ERI1: variants seen among roughly 807,000 people sequenced by gnomAD.
ERI1 encodes exoribonuclease 1.
In ERI1, 39 loss-of-function variants were observed where a neutral mutation model predicts 39.7. The ratio of observed to expected loss-of-function variants is 0.98; its 90% CI spans 0.76 to 1.28. The LOEUF is 1.28. ERI1 is among the 50% of genes most tolerant of loss of function. The probability of loss-of-function intolerance (pLI) is 0.00; values close to 1 mark genes in which losing one functional copy is unlikely to be tolerated. For synonymous variants in ERI1, 204 were observed against 149.6 expected, an observed-to-expected ratio of 1.36 and a Z score of -2.65; for missense variants, 581 against 416.9, an observed-to-expected ratio of 1.39 and a Z score of -3.43.
chr8:9,084,832 C>T (rs1799476327), intron 3 of ERI1, among the ~76,000 whole-genome samples: 1 of 140,770 alleles, frequency 7.1e-6, no homozygotes, highest in Non-Finnish European at 1.5e-5. Flanking sequence ...TTCTAACCTT[C>T]TGAAGAAGCT....
chr8:9,061,798 C>A (rs1798705965), intron 3 of ERI1, among the ~76,000 whole-genome samples: 4 of 149,582 alleles, frequency 2.7e-5, no homozygotes, highest in Admixed American at 2.7e-4. Flanking sequence ...TGGGTGCTGT[C>A]CGTGAAGTTT....
chr8:9,005,234 C>G (rs1025057908), intron 1 of ERI1, among the ~76,000 whole-genome samples: 15 of 151,856 alleles, frequency 9.9e-5, no homozygotes, highest in African/African-American at 3.6e-4. Context: ...AAAGGTAGTA[C>G]CTAGATTTTT....
chr8:9,053,458 C>G (rs571225901), intron 3 of ERI1, among the ~76,000 whole-genome samples: 1 of 152,318 alleles, frequency 6.6e-6, no homozygotes, highest in African/African-American at 2.4e-5. Flanking sequence ...AATGGAAGCT[C>G]CACAGCCCAG....
chr8:9,080,742 CT>C (rs1299238505), intron 3 of ERI1, among the ~76,000 whole-genome samples: 1 of 152,142 alleles, frequency 6.6e-6, no homozygotes, highest in Non-Finnish European at 1.5e-5. Context: ...TCATTTGCCC[CT>C]CCCCCAAGGC....
intron 3 of ERI1, among the ~76,000 whole-genome samples, chr8:9,092,816 C>T (rs2117482326): frequency 6.6e-6 from 1 of 152,292 alleles, no homozygotes; most frequent in African/African-American, 2.4e-5. Flanking sequence ...CTTCTTAGGT[C>T]CCAGAATTGT....
intron 2 of ERI1, 34 bp from the exon 3 acceptor site, chr8:9,011,508 A>G (rs370846329): frequency 6.9e-7 from 1 of 1,441,234 alleles, no homozygotes; most frequent in Non-Finnish European, 9.5e-7. Flanking sequence ...TGTAGAATTT[A>G]CCTAAGTGTA....
intron 1 of ERI1, among the ~76,000 whole-genome samples, chr8:9,006,355 G>C (rs879771453): frequency 1.3e-5 from 2 of 152,178 alleles, no homozygotes; most frequent in African/African-American, 4.8e-5. Context: ...ATCTATAGAA[G>C]AGGCCTAAGT....
At chr8:9,040,081 G>A (rs1797967236) in intron 3 of ERI1, among the ~76,000 whole-genome samples, 2 of 152,058 alleles carry the variant, frequency 1.3e-5, no homozygotes, top group Admixed American at 1.3e-4. Flanking sequence ...TTTTTAAATA[G>A]TTGAAAAAGT....
intron 3 of ERI1, among the ~76,000 whole-genome samples, chr8:9,015,903 G>C: frequency 6.6e-6 from 1 of 152,060 alleles, no homozygotes; most frequent in East Asian, 1.9e-4. Flanking sequence ...AGGAGTAAAT[G>C]AGAGAAAAAT....
At chr8:9,022,170 C>G (rs1462207110) in intron 6 of ERI1, among the ~76,000 whole-genome samples, 1 of 152,048 alleles carries the variant, frequency 6.6e-6, no homozygotes, top group Non-Finnish European at 1.5e-5. Context: ...TATTGTCATA[C>G]ATTTTAAATG....
chr8:9,034,321 C>T (rs1168832653), downstream of ERI1, among the ~76,000 whole-genome samples: 18 of 152,224 alleles, frequency 1.2e-4, no homozygotes, highest in Admixed American at 1.2e-3. Context: ...TTTTATTGCA[C>T]TTCTCTTTAT....
In ERI1 at chr8:9,011,768, T is replaced by C; in HGVS notation, c.498+16T>C. The C allele has an allele frequency of 6.4e-7, 1 of 1,553,880 alleles. No individual in the cohort carries two copies. Among genetic ancestry groups the C allele is most frequent in the Non-Finnish European group, 8.8e-7 (1 of 1,135,982 alleles). On this transcript the variant is annotated intron_variant, in intron 3 of 6. Coordinates refer to ENST00000250263, the MANE Select transcript of ERI1 (RefSeq NM_153332.4). The stretch of plus-strand genomic sequence containing the variant: ...TTTAGAAATAGTAAGTGAATTTTTG[T>C]ATTTTAATTGTATTTCTAGCAGCAA...
chr8:9,029,739 A>T, intron 6 of ERI1, 53 bp from the exon 7 acceptor site: 3 of 1,600,664 alleles, frequency 1.9e-6, no homozygotes, highest in South Asian at 1.1e-5. Context: ...ACTGTGGCTT[A>T]TATTACAGTT....
intron 3 of ERI1, among the ~76,000 whole-genome samples, chr8:9,086,678 T>G (rs1245690319): frequency 6.6e-6 from 1 of 152,214 alleles, no homozygotes; most frequent in Non-Finnish European, 1.5e-5. Context: ...GCACTGTTTA[T>G]AACAGTAAAA....
At chr8:9,098,452 AG>A (rs1178956610) in intron 3 of ERI1, among the ~76,000 whole-genome samples, 1 of 152,230 alleles carries the variant, frequency 6.6e-6, no homozygotes, top group Non-Finnish European at 1.5e-5. Flanking sequence ...CGGGACGCAG[AG>A]GTTGCAGTGA....
intron 1 of ERI1, 125 bp from the exon 2 acceptor site, chr8:9,007,845 T>C (rs1227119049): frequency 1.4e-6 from 2 of 1,392,784 alleles, no homozygotes; most frequent in African/African-American, 1.5e-5. Context: ...GTGAACACTT[T>C]TCATTGAACA....
rs377629544 is a variant in ERI1 at position 9,011,719 on chromosome 8, G to A, written c.465G>A (p.Pro155=). The part of the protein sequence containing the change: ...PEFVHEIIEF[P]VVLLNTHTLE... ...TTGTACATGAAATAATTGAATTTCC[G>A]GTTGTTTTACTGAATACGCATACTT... Residue 155 remains proline, a synonymous_variant, in exon 3 of 7, where the codon CCG becomes CCA. Transcript: ENST00000250263. 29 of 1,610,708 alleles carry A rather than the reference G, an allele frequency of 1.8e-5. No individual in the cohort carries two copies. The highest frequency in any genetic ancestry group is 5.0e-5 in the Admixed American group (3 of 59,592).
intron 3 of ERI1, among the ~76,000 whole-genome samples, chr8:9,084,340 G>C (rs1351344533): frequency 6.6e-6 from 1 of 152,166 alleles, no homozygotes; most frequent in Non-Finnish European, 1.5e-5. Context: ...ATGAATTCCA[G>C]AGAGCTGGAC....
At chr8:9,012,852 A>G (rs188672974) in intron 3 of ERI1, among the ~76,000 whole-genome samples, 3 of 152,286 alleles carry the variant, frequency 2.0e-5, no homozygotes, top group East Asian at 1.9e-4. Flanking sequence ...CACTTAAGTT[A>G]TAGGTACTTA....
Sources: gnomAD v4.1 joint callset for allele counts (sites outside exome capture counted in the v4.1 genomes callset) on GRCh38, gnomAD v4.1.1 for gene constraint, MANE v1.5 for transcripts, NCBI Gene and HGNC (gene_info 2026-07-23, HGNC 2026-07-21) for gene names.